GART: variants seen among roughly 807,000 people sequenced by gnomAD.
GART encodes phosphoribosylglycinamide formyltransferase, phosphoribosylglycinamide synthetase, phosphoribosylaminoimidazole synthetase, also known as trifunctional purine biosynthetic protein adenosine-3.
In GART, 43 loss-of-function variants were observed where a neutral mutation model predicts 107.2. That is an observed-to-expected ratio of 0.40 (90% CI 0.31 to 0.52). The LOEUF is 0.52. Ranked by LOEUF, GART falls within the 20% of genes least tolerant of loss-of-function variation. GART has a pLI of 0.52. For synonymous variants in GART, 434 were observed against 427.0 expected (o/e 1.02, Z -0.20); for missense variants, 1,107 against 1,206.5 (o/e 0.92, Z 1.22).
rs2084756745 is a variant in GART at position 33,510,031 on chromosome 21, A to G, written c.2315-111T>C. The G allele has an allele frequency of 3.3e-6, 3 of 921,528 alleles. No homozygotes were observed. In the Admixed American group the frequency reaches 8.3e-5, roughly 26 times the overall value. 57.1% of individuals were successfully genotyped at this position (921,528 alleles called of 1,614,324 possible). A position where few individuals can be genotyped will look rare whatever the true frequency, so the allele number is the denominator to read the frequency against. On this transcript the variant is annotated intron_variant, in intron 17 of 21. Transcript: ENST00000381815. ...TTAGGGTATGTTTTATCCTGAAAAT[A>G]AGATAATGCAAGGACTAAAATGAAC...
At chr21:33,518,578 T>A (rs1040122178) in intron 14 of GART, 7 of 294,272 alleles carry the variant, frequency 2.4e-5, no homozygotes, top group African/African-American at 1.5e-4. Context: ...GATCTAAATT[T>A]TATCAGATCC....
At position 33,517,543 on chromosome 21, in the gene GART, C is replaced by T. The variant is rs544071183; in HGVS notation, c.1768G>A (p.Val590Ile). The T allele has an allele frequency of 2.2e-5, 36 of 1,614,178 alleles. No individual in the cohort carries two copies. Among genetic ancestry groups the T allele is most frequent in the South Asian group, 8.8e-5 (8 of 91,086 alleles). Residue 590 changes from valine to isoleucine, a missense_variant, in exon 15 of 22, where the codon GTT becomes ATT. Transcript: ENST00000381815. ...TTCTGATCTCGCTCCATGGCACCAACGGCAAACCCAGCTAGGTCATACTCT... is the reference window on the plus strand; with the variant it reads ...TTCTGATCTCGCTCCATGGCACCAATGGCAAACCCAGCTAGGTCATACTCT... ...PGEYDLAGFA[V>I]GAMERDQKLP... is the part of the protein sequence containing the mutation.
chr21:33,512,575 GATTT>G (rs1314453737), intron 16 of GART, among the ~76,000 whole-genome samples: 3 of 146,264 alleles, frequency 2.1e-5, no homozygotes, highest in Admixed American at 2.0e-4. Flanking sequence ...CTATTTATTT[GATTT>G]ATTTATTGGA....
chr21:33,533,929 C>T (rs1488006848), intron 4 of GART, among the ~76,000 whole-genome samples: 2 of 149,382 alleles, frequency 1.3e-5, no homozygotes, highest in Non-Finnish European at 3.0e-5. Context: ...TGGTGGGGGG[C>T]GGGGAACCAA....
At chr21:33,524,416 T>A in intron 11 of GART, 1 of 587,764 alleles carries the variant, frequency 1.7e-6, no homozygotes, top group Non-Finnish European at 2.1e-6. Flanking sequence ...CCAGGTGTGG[T>A]GGCCTGTGCC....
In GART at chr21:33,528,956, CAG is replaced by C; in HGVS notation, c.724-21_724-20del. ...TAGAAACCTGGAGAACGTGCAGAAA[CAG>C]TTAAATGTAACAGGTAACTTAAAAA... On this transcript the variant is annotated intron_variant, in intron 7 of 21. Transcript: ENST00000381815. 3.9e-6 allele frequency: 6 copies of C among 1,530,964 alleles called. No homozygotes were observed. Among genetic ancestry groups the C allele is most frequent in the Non-Finnish European group, 5.4e-6 (6 of 1,104,738 alleles). The allele number at this position is 1,530,964 out of a possible 1,614,324, so 94.8% of individuals were successfully genotyped here.
chr21:33,520,016 G>A (rs923845568), intron 14 of GART, among the ~76,000 whole-genome samples: 2 of 152,074 alleles, frequency 1.3e-5, no homozygotes, highest in South Asian at 2.1e-4. Context: ...TGCCTGTACC[G>A]TGGGGTCAAT....
intron 1 of GART, among the ~76,000 whole-genome samples, chr21:33,540,547 T>C (rs1208655141): frequency 6.6e-6 from 1 of 152,134 alleles, no homozygotes; most frequent in Non-Finnish European, 1.5e-5. Flanking sequence ...AAATTCCAAC[T>C]CATTTCACTT....
rs1601199038 is a variant in GART at position 33,522,607 on chromosome 21, T to C, written c.1299-325A>G. On this transcript the variant is annotated intron_variant, in intron 11 of 21. Transcript: ENST00000381815. The stretch of plus-strand genomic sequence containing the variant: ...TAAATATACTGATTCTTTTAAATGA[T>C]TTTTTATTAAGGTAGAATATACACA... 2.0e-5 allele frequency among the ~76,000 whole-genome samples: 3 copies of C among 152,348 alleles called. No individual in the cohort carries two copies. In the South Asian group the frequency reaches 6.2e-4, roughly 32 times the overall value.
chr21:33,530,754 A>C lies in GART; in HGVS notation c.723+5T>G, dbSNP rs376130788. 1.3e-5 allele frequency: 19 copies of C among 1,450,124 alleles called. No individual in the cohort carries two copies. The African/African-American group carries it at 2.8e-4, about 21-fold the overall frequency. 89.8% of individuals were successfully genotyped at this position (1,450,124 alleles called of 1,614,324 possible). On this transcript the variant is annotated splice_donor_5th_base_variant and intron_variant, in intron 7 of 21. Coordinates refer to ENST00000381815, the MANE Select transcript of GART (RefSeq NM_000819.5). ...CAAGACTTCAGCAGAGTCTTCGGGA[A>C]GTACCTGAGGGGCTGGACAATAGGC... is the stretch of plus-strand genomic sequence containing the variant.
At chr21:33,526,814 A>T (rs564678277) in intron 10 of GART, among the ~76,000 whole-genome samples, 22 of 152,314 alleles carry the variant, frequency 1.4e-4, no homozygotes, top group African/African-American at 4.8e-4. Flanking sequence ...GGGACAGTTT[A>T]TGTAAAGATA....
chr21:33,534,874 G>C lies in GART; in HGVS notation c.242-121C>G. The C allele has an allele frequency of 2.5e-6, 2 of 788,128 alleles. 1 individual carries two copies. Among genetic ancestry groups the C allele is most frequent in the Non-Finnish European group, 3.8e-6 (2 of 524,324 alleles). The allele number at this position is 788,128 out of a possible 1,614,324, so 48.8% of individuals were successfully genotyped here. Reference sequence around the variant, plus strand: ...ACAAGGCAGATGACTGGTGGCAGAGGATAACTAACTTTTTCATGTTGTCTA... The same window carrying C: ...ACAAGGCAGATGACTGGTGGCAGAGCATAACTAACTTTTTCATGTTGTCTA... On this transcript the variant is annotated intron_variant, in intron 3 of 21. Transcript: ENST00000381815.
intron 20 of GART, 34 bp downstream of exon 20, chr21:33,505,527 T>C (rs562544592): frequency 6.4e-6 from 10 of 1,562,624 alleles, no homozygotes; most frequent in Non-Finnish European, 7.8e-6. Context: ...TTTCAATTGA[T>C]TTCCCAATGT....
At chr21:33,524,381 T>C (rs1488760282) in intron 11 of GART, 1 of 692,898 alleles carries the variant, frequency 1.4e-6, no homozygotes, top group Non-Finnish European at 1.8e-6. Context: ...AAACCCCATC[T>C]CCACAAAAAA....
At chr21:33,526,418 C>T (rs1177354807) in intron 10 of GART, among the ~76,000 whole-genome samples, 1 of 152,204 alleles carries the variant, frequency 6.6e-6, no homozygotes, top group African/African-American at 2.4e-5. Flanking sequence ...AAGTGATCTG[C>T]CCGCTTCGGC....
intron 5 of GART, chr21:33,531,918 G>T (rs1042645115): frequency 1.8e-4 from 45 of 250,866 alleles, no homozygotes; most frequent in Non-Finnish European, 3.0e-4. Flanking sequence ...ACTAAAGCAT[G>T]CTTGTGAAAG....
chr21:33,520,684 G>A (rs2084957299), intron 13 of GART, 122 bp from the exon 14 acceptor site: 3 of 856,870 alleles, frequency 3.5e-6, no homozygotes, highest in Non-Finnish European at 5.4e-6. Flanking sequence ...CAAGCTACTT[G>A]GTCTAAAAGC....
At chr21:33,530,300 A>G (rs1450976322) in intron 7 of GART, among the ~76,000 whole-genome samples, 3 of 152,256 alleles carry the variant, frequency 2.0e-5, no homozygotes, top group East Asian at 3.8e-4. Context: ...TTCTCAATTC[A>G]TATCACACAC....
chr21:33,523,203 G>A (rs1360197565), intron 11 of GART, among the ~76,000 whole-genome samples: 5 of 152,074 alleles, frequency 3.3e-5, no homozygotes, highest in Non-Finnish European at 5.9e-5. Context: ...GAAGAAATAT[G>A]TGTTTTTATA....
Sources: gnomAD v4.1 joint callset for allele counts (sites outside exome capture counted in the v4.1 genomes callset) on GRCh38, gnomAD v4.1.1 for gene constraint, MANE v1.5 for transcripts, NCBI Gene and HGNC (gene_info 2026-07-23, HGNC 2026-07-21) for gene names.